CTNND2: variants seen among roughly 807,000 people sequenced by gnomAD.
CTNND2 encodes the protein catenin delta 2, also known as catenin delta-2.
CTNND2 carries 22 observed loss-of-function variants against 144.4 expected under a neutral mutation model. The observed-to-expected ratio is 0.15, with a 90% CI of 0.11 to 0.22. The LOEUF is 0.22. Ranked by LOEUF, CTNND2 falls within the 10% of genes least tolerant of loss-of-function variation. The probability of loss-of-function intolerance (pLI) is 1.00; values close to 1 mark genes in which losing one functional copy is unlikely to be tolerated. For synonymous variants in CTNND2, 751 were observed against 695.6 expected, an observed-to-expected ratio of 1.08 and a Z score of -1.25; for missense variants, 1,353 against 1,618.8, an observed-to-expected ratio of 0.84 and a Z score of 2.82.
intron 3 of CTNND2, among the ~76,000 whole-genome samples, chr5:11,436,647 A>C (rs1003911678): frequency 6.6e-6 from 1 of 152,240 alleles, no homozygotes; most frequent in African/African-American, 2.4e-5. Flanking sequence ...ATAAACATCC[A>C]TCCCTGTATC....
intron 3 of CTNND2, among the ~76,000 whole-genome samples, chr5:11,500,358 T>C (rs1322193957): frequency 6.6e-6 from 1 of 152,160 alleles, no homozygotes; most frequent in Non-Finnish European, 1.5e-5. Flanking sequence ...CATCAGTTAT[T>C]AAAATAAATA....
At chr5:11,773,243 C>A (rs1290998451) in intron 1 of CTNND2, among the ~76,000 whole-genome samples, 1 of 151,996 alleles carries the variant, frequency 6.6e-6, no homozygotes, top group African/African-American at 2.4e-5. Context: ...ATTTTTTTTC[C>A]AAGCAGTAAA....
chr5:11,378,553 C>T (rs1401999145), intron 7 of CTNND2, among the ~76,000 whole-genome samples: 2 of 152,190 alleles, frequency 1.3e-5, no homozygotes, highest in African/African-American at 4.8e-5. Flanking sequence ...ATATCTAGCA[C>T]TAGAGTGAGC....
chr5:11,271,235 G>A (rs536671209), intron 9 of CTNND2, among the ~76,000 whole-genome samples: 3 of 152,060 alleles, frequency 2.0e-5, no homozygotes, highest in East Asian at 1.9e-4. Context: ...ACCAATAAAC[G>A]TATTTTACCA....
chr5:11,796,973 T>C (rs1791437985), intron 1 of CTNND2, among the ~76,000 whole-genome samples: 1 of 152,220 alleles, frequency 6.6e-6, no homozygotes, highest in Non-Finnish European at 1.5e-5. Context: ...TTTACAGAAC[T>C]ATTGTCCATA....
At chr5:11,036,339 C>T (rs1391028473) in intron 16 of CTNND2, among the ~76,000 whole-genome samples, 3 of 152,120 alleles carry the variant, frequency 2.0e-5, no homozygotes, top group Admixed American at 1.3e-4. Context: ...TCAGCCACTC[C>T]AGATTTACAC....
rs147832301 is a variant in CTNND2 at position 11,556,332 on chromosome 5, G to A, written c.287+8612C>T. Among the ~76,000 whole-genome samples the A allele has an allele frequency of 2.9e-3, 444 of 152,108 alleles. 2 individuals are homozygous for A. The highest frequency in any genetic ancestry group is 0.01 in the African/African-American group (427 of 41,508). On this transcript the variant is annotated intron_variant, in intron 3 of 21. Coordinates refer to ENST00000304623, the MANE Select transcript of CTNND2 (RefSeq NM_001332.4). ...TTTGGCAAATTGATTATTTATTTAA[G>A]CAAGAATAAATCAAATTATTTCAAT...
At chr5:11,397,542 A>C (rs568675399) in intron 5 of CTNND2, among the ~76,000 whole-genome samples, 5 of 152,316 alleles carry the variant, frequency 3.3e-5, no homozygotes, top group Non-Finnish European at 5.9e-5. Context: ...ATTTGAAATA[A>C]TGTAAAACTC....
chr5:11,576,630 T>A (rs1275980902), intron 2 of CTNND2, among the ~76,000 whole-genome samples: 1 of 152,066 alleles, frequency 6.6e-6, no homozygotes, highest in Non-Finnish European at 1.5e-5. Flanking sequence ...AATTGTGAAA[T>A]CTACATTAAA....
intron 3 of CTNND2, among the ~76,000 whole-genome samples, chr5:11,460,725 A>G (rs946030132): frequency 5.3e-5 from 8 of 152,094 alleles, no homozygotes. Flanking sequence ...CTCTGCTCAA[A>G]TATCACTTTA....
intron 9 of CTNND2, among the ~76,000 whole-genome samples, chr5:11,291,413 C>T (rs1339006272): frequency 6.6e-6 from 1 of 152,094 alleles, no homozygotes; most frequent in Non-Finnish European, 1.5e-5. Flanking sequence ...AAGTTTGATC[C>T]TGTTCCTTCA....
chr5:11,895,355 T>C (rs1240091362), intron 1 of CTNND2, among the ~76,000 whole-genome samples: 4 of 152,214 alleles, frequency 2.6e-5, no homozygotes, highest in Non-Finnish European at 5.9e-5. Flanking sequence ...ATATACCACA[T>C]ACTCTGCTAT....
intron 3 of CTNND2, among the ~76,000 whole-genome samples, chr5:11,541,229 G>A (rs551908095): frequency 1.2e-3 from 181 of 152,256 alleles, no homozygotes; most frequent in Non-Finnish European, 6.0e-4. Flanking sequence ...TGGTCCCAGG[G>A]ATAAGTGTTT....
chr5:11,061,580 C>T (rs1746983793), intron 16 of CTNND2, among the ~76,000 whole-genome samples: 1 of 152,170 alleles, frequency 6.6e-6, no homozygotes, highest in Non-Finnish European at 1.5e-5. Context: ...GGCTCCTGTC[C>T]ATCTCTTAGG....
chr5:11,799,270 T>C (rs1237114254), intron 1 of CTNND2, among the ~76,000 whole-genome samples: 2 of 152,204 alleles, frequency 1.3e-5, no homozygotes, highest in Non-Finnish European at 2.9e-5. Context: ...TGTGATTCTA[T>C]CTTAAATTCT....
intron 7 of CTNND2, among the ~76,000 whole-genome samples, chr5:11,382,766 T>G (rs1026544057): frequency 6.6e-6 from 1 of 152,046 alleles, no homozygotes; most frequent in Non-Finnish European, 1.5e-5. Flanking sequence ...TCTCTTGACC[T>G]AACTGCTCTT....
intron 5 of CTNND2, among the ~76,000 whole-genome samples, chr5:11,408,575 AG>A (rs1761269374): frequency 6.6e-6 from 1 of 152,150 alleles, no homozygotes; most frequent in African/African-American, 2.4e-5. Context: ...AGCTTTCAAA[AG>A]AAATAATCAA....
At chr5:11,566,336 A>G (rs1226855999) in intron 2 of CTNND2, among the ~76,000 whole-genome samples, 2 of 152,244 alleles carry the variant, frequency 1.3e-5, no homozygotes, top group Admixed American at 1.3e-4. Flanking sequence ...TCAAAGTATT[A>G]TAGTTAAGAA....
intron 3 of CTNND2, among the ~76,000 whole-genome samples, chr5:11,529,903 A>T (rs975013308): frequency 2.0e-5 from 3 of 152,054 alleles, no homozygotes; most frequent in African/African-American, 4.8e-5. Context: ...TTGTACTGAT[A>T]ACCCCATAAT....
Sources: gnomAD v4.1 joint callset for allele counts (sites outside exome capture counted in the v4.1 genomes callset) on GRCh38, gnomAD v4.1.1 for gene constraint, MANE v1.5 for transcripts, NCBI Gene and HGNC (gene_info 2026-07-23, HGNC 2026-07-21) for gene names.